Variants in FRMPD1 observed in about 807,000 individuals in gnomAD.
FRMPD1 encodes FERM and PDZ domain-containing protein 1.
Under a neutral mutation model 117.8 loss-of-function variants are expected in FRMPD1, and 76 were observed. That is an observed-to-expected ratio of 0.65 (90% CI 0.54 to 0.78). The LOEUF (loss-of-function observed/expected upper bound fraction) is 0.78, where lower values mean the gene tolerates loss of function less well. FRMPD1 is among the 30% of genes least tolerant of loss of function. The probability of loss-of-function intolerance (pLI) is 0.00; values close to 1 mark genes in which losing one functional copy is unlikely to be tolerated. For missense variants in FRMPD1, 1,786 were observed against 1,964.5 expected (o/e 0.91, Z 1.72); for synonymous variants, 783 against 770.4 (o/e 1.02, Z -0.27).
chr9:37,637,727 G>A, the FRMPD1 span, among the ~76,000 whole-genome samples: 1 of 152,318 alleles, frequency 6.6e-6, no homozygotes, highest in Admixed American at 6.5e-5. Context: ...TCATCCGTAA[G>A]ACAGGAGCTA....
chr9:37,737,023 C>T, intron 13 of FRMPD1, 73 bp from the exon 14 acceptor site: 1 of 1,192,386 alleles, frequency 8.4e-7, no homozygotes, highest in East Asian at 2.3e-5. Flanking sequence ...GTTGGTCCCA[C>T]ATGGCTTTGT....
chr9:37,721,787 T>C (rs140839501), intron 6 of FRMPD1, among the ~76,000 whole-genome samples: 86 of 152,348 alleles, frequency 5.6e-4, no homozygotes, highest in Non-Finnish European at 8.7e-4. Flanking sequence ...TTCTGATATT[T>C]CAACTCAATA....
At chr9:37,660,174 G>A (rs1354921956) in intron 1 of FRMPD1, among the ~76,000 whole-genome samples, 1 of 152,068 alleles carries the variant, frequency 6.6e-6, no homozygotes, top group Non-Finnish European at 1.5e-5. Context: ...AGGAGAGGCG[G>A]GGAGGGAGGA....
intron 10 of FRMPD1, among the ~76,000 whole-genome samples, chr9:37,732,923 C>G (rs1823954821): frequency 6.6e-6 from 1 of 152,170 alleles, no homozygotes; most frequent in Non-Finnish European, 1.5e-5. Context: ...TCAGCTCTGT[C>G]CTGCCTGAGC....
intron 5 of FRMPD1, among the ~76,000 whole-genome samples, chr9:37,718,843 C>A (rs1436009231): frequency 6.6e-6 from 1 of 152,186 alleles, no homozygotes; most frequent in Non-Finnish European, 1.5e-5. Flanking sequence ...AGCTATTTTG[C>A]TACCATGTTG....
rs373730051 is a variant in FRMPD1, at chr9:37,729,711, C to G, written c.613-17C>G. The G allele has an allele frequency of 9.3e-5, 150 of 1,612,772 alleles. 1 individual carries two copies. The South Asian group carries it at 9.3e-4, about 10-fold the overall frequency. On this transcript the variant is annotated splice_polypyrimidine_tract_variant and intron_variant, in intron 7 of 15. Transcript: ENST00000377765. Reference sequence around the variant, plus strand: ...CCTGTTTCTTGCGTAACTCCTGCACCTCTCTGTGCCTGCTAGGACATCATC... The same window carrying G: ...CCTGTTTCTTGCGTAACTCCTGCACGTCTCTGTGCCTGCTAGGACATCATC...
rs528827792 is a variant in FRMPD1 at position 37,742,367 on chromosome 9, T to C, written c.2356+1483T>C. Among the ~76,000 whole-genome samples, 4 of 152,304 alleles carry C rather than the reference T, an allele frequency of 2.6e-5. No homozygotes were observed. In the South Asian group the frequency reaches 6.2e-4, roughly 24 times the overall value. On this transcript the variant is annotated intron_variant, in intron 15 of 15. Coordinates refer to ENST00000377765, the MANE Select transcript of FRMPD1 (RefSeq NM_014907.3). Reference sequence around the variant, plus strand: ...TTATGGGAGTCTAGTCAGGAACATATGGGGTTCATACCAGACACTGTTTTG... The same window carrying C: ...TTATGGGAGTCTAGTCAGGAACATACGGGGTTCATACCAGACACTGTTTTG...
the FRMPD1 span, among the ~76,000 whole-genome samples, chr9:37,622,437 G>T: frequency 1.3e-5 from 2 of 152,178 alleles, no homozygotes; most frequent in Admixed American, 6.5e-5. Context: ...ATCCCAGAGG[G>T]TCAGAAGCAA....
At chr9:37,726,849 A>C in intron 7 of FRMPD1, among the ~76,000 whole-genome samples, 1 of 152,126 alleles carries the variant, frequency 6.6e-6, no homozygotes, top group East Asian at 1.9e-4. Context: ...AGACCATGAA[A>C]GCGGGACAGA....
At chr9:37,616,409 G>C in the FRMPD1 span, among the ~76,000 whole-genome samples, 9 of 152,096 alleles carry the variant, frequency 5.9e-5, no homozygotes, top group African/African-American at 2.2e-4. Context: ...GAGCCACTGC[G>C]CCCGGCCCAC....
chr9:37,607,407 C>T, the FRMPD1 span, among the ~76,000 whole-genome samples: 2 of 152,084 alleles, frequency 1.3e-5, no homozygotes, highest in African/African-American at 4.8e-5. Context: ...TCATTAGCAG[C>T]AGTCAGTTCA....
Position 37,732,581 on chromosome 9 carries a change from C to T in FRMPD1, c.995+141C>T, listed in dbSNP as rs1046114799. 8 of 821,528 alleles carry T rather than the reference C, an allele frequency of 9.7e-6. No individual in the cohort carries two copies. The African/African-American group carries it at 1.0e-4, about 11-fold the overall frequency. 50.9% of individuals were successfully genotyped at this position (821,528 alleles called of 1,614,324 possible). A position where few individuals can be genotyped will look rare whatever the true frequency, so the allele number is the denominator to read the frequency against. On this transcript the variant is annotated intron_variant, in intron 10 of 15. Transcript: ENST00000377765. ...TTCCATCCATTTCCCTCTGCACCCT[C>T]TCTAATCTGACCTGGCTCCCCCAGA...
At chr9:37,609,639 C>G in the FRMPD1 span, among the ~76,000 whole-genome samples, 2 of 152,212 alleles carry the variant, frequency 1.3e-5, no homozygotes, top group Non-Finnish European at 2.9e-5. Context: ...GCCCTCACCC[C>G]CTTCAAGTCT....
At chr9:37,718,258 G>GAACGTGGCCCAGAGTTTT (rs1307830656) in intron 5 of FRMPD1, among the ~76,000 whole-genome samples, 1 of 152,174 alleles carries the variant, frequency 6.6e-6, no homozygotes, top group Admixed American at 6.5e-5. Flanking sequence ...CATCTTCACA[G>GAACGTGGCCCAGAGTTTT]AACGTGGCCC....
intron 1 of FRMPD1, among the ~76,000 whole-genome samples, chr9:37,684,440 A>G (rs1821850139): frequency 6.6e-6 from 1 of 152,234 alleles, no homozygotes. Flanking sequence ...TGATATTACT[A>G]TAATTCTTGA....
At chr9:37,669,442 C>T (rs1821275154) in intron 1 of FRMPD1, among the ~76,000 whole-genome samples, 1 of 152,280 alleles carries the variant, frequency 6.6e-6, no homozygotes, top group Middle Eastern at 3.4e-3. Flanking sequence ...AACAAGTCCT[C>T]CAGGTGATCT....
intron 6 of FRMPD1, among the ~76,000 whole-genome samples, chr9:37,719,569 A>G (rs764533442): frequency 3.0e-4 from 46 of 152,228 alleles, no homozygotes; most frequent in Admixed American, 7.9e-4. Flanking sequence ...TTAAGAGTCC[A>G]TCATCTATTG....
intron 1 of FRMPD1, among the ~76,000 whole-genome samples, chr9:37,672,505 C>T (rs569410709): frequency 1.3e-5 from 2 of 152,284 alleles, no homozygotes; most frequent in African/African-American, 4.8e-5. Context: ...TGTTTCCATG[C>T]ATTACCTCAT....
In FRMPD1 at chr9:37,658,375, C is replaced by T. The variant is rs566550816; in HGVS notation, c.-5+7281C>T. Among the ~76,000 whole-genome samples, 8 of 152,288 alleles carry T rather than the reference C, an allele frequency of 5.3e-5. No individual in the cohort carries two copies. The South Asian group carries it at 8.3e-4, about 16-fold the overall frequency. ...CCTGGCCCAGTGGTTGACGTGGGGT[C>T]GGGTGAGTGAGCCCCCTCTCTGGGA... On this transcript the variant is annotated intron_variant, in intron 1 of 15. Coordinates refer to ENST00000377765, the MANE Select transcript of FRMPD1 (RefSeq NM_014907.3).
Sources: allele counts gnomAD v4.1 joint callset (sites outside exome capture counted in the v4.1 genomes callset), GRCh38; gene constraint gnomAD v4.1.1; transcripts MANE v1.5; gene names NCBI Gene and HGNC (gene_info 2026-07-23, HGNC 2026-07-21).